Variants in RCN3 observed in about 807,000 individuals in gnomAD.
RCN3 encodes reticulocalbin 3, also known as reticulocalbin-3.
A neutral mutation model predicts 35.9 loss-of-function variants in RCN3; 41 were observed. That is an observed-to-expected ratio of 1.14 (90% CI 0.89 to 1.48). RCN3 has a LOEUF of 1.48. Ranked by LOEUF, RCN3 falls within the 40% of genes most tolerant of loss-of-function variation. RCN3 has a pLI of 0.00. For synonymous variants in RCN3, 187 were observed against 193.4 expected (o/e 0.97, Z 0.27); for missense variants, 451 against 471.3 (o/e 0.96, Z 0.40).
In RCN3 at chr19:49,537,169, C is replaced by T. The variant is rs112559991; in HGVS notation, c.582C>T (p.Pro194=). Residue 194 remains proline, a synonymous_variant, in exon 4 of 7, where the codon CCC becomes CCT. Transcript: ENST00000270645. ...AGGAGCTGACAGCCTTCCTGCACCC[C>T]GAGGAGTTCCCTCACATGCGGGACA... ...TREELTAFLH[P]EEFPHMRDIV... 2.3e-3 allele frequency: 3,687 copies of T among 1,569,176 alleles called. 66 individuals carry two copies. In the African/African-American group the frequency reaches 0.044, roughly 19 times the overall value.
intron 2 of RCN3, 70 bp downstream of exon 2, chr19:49,528,784 G>A: frequency 6.9e-7 from 1 of 1,443,352 alleles, no homozygotes; most frequent in East Asian, 2.7e-5. Flanking sequence ...GGTATCGACA[G>A]GGGTCAGAGA....
intron 2 of RCN3, 117 bp from the exon 3 acceptor site, chr19:49,534,076 G>T: frequency 9.3e-7 from 1 of 1,074,272 alleles, no homozygotes; most frequent in South Asian, 1.8e-5. Flanking sequence ...TTAGCCCGCG[G>T]ACCGTGGACT....
intron 6 of RCN3, 74 bp downstream of exon 6, chr19:49,542,826 C>A: frequency 7.3e-7 from 1 of 1,377,788 alleles, no homozygotes; most frequent in Non-Finnish European, 9.9e-7. Context: ...AGGAGCAAGA[C>A]CTGGGCCTGG....
At chr19:49,540,556 G>A (rs903365229) in intron 5 of RCN3, among the ~76,000 whole-genome samples, 1 of 151,826 alleles carries the variant, frequency 6.6e-6, no homozygotes, top group Non-Finnish European at 1.5e-5. Context: ...GGAGGCAAAG[G>A]TTGCAGTGAG....
Position 49,543,197 on chromosome 19 carries a change from A to G in RCN3, c.971A>G (p.His324Arg), listed in dbSNP as rs773807601. The change falls in exon 7 of 7, where the codon CAC (histidine) becomes CGC (arginine). Residue 324 changes from histidine (H) to arginine (R), a missense_variant. Transcript: ENST00000270645. Reference protein sequence around the residue: ...ATNYGEDLTRHHDEL With the variant: ...ATNYGEDLTRRHDEL The stretch of plus-strand genomic sequence containing the variant: ...AACTATGGCGAGGACCTGACCCGGC[A>G]CCACGATGAGCTGTGAGCACCGCGC... The G allele has an allele frequency of 8.1e-6, 13 of 1,613,124 alleles. No homozygotes were observed. Among genetic ancestry groups the G allele is most frequent in the Non-Finnish European group, 1.1e-5 (13 of 1,179,546 alleles).
At chr19:49,528,864 A>G in intron 2 of RCN3, 150 bp downstream of exon 2, 4 of 1,137,556 alleles carry the variant, frequency 3.5e-6, no homozygotes, top group Non-Finnish European at 4.6e-6. Flanking sequence ...GGAAAAAGAA[A>G]TTAAGTTAAA....
chr19:49,540,343 A>G lies in RCN3; in HGVS notation c.679+1164A>G, dbSNP rs892581760. Among the ~76,000 whole-genome samples, 3 of 151,042 alleles carry G rather than the reference A, an allele frequency of 2.0e-5. No individual in the cohort carries two copies. In the Admixed American group the frequency reaches 2.0e-4, roughly 10 times the overall value. On this transcript the variant is annotated intron_variant, in intron 5 of 6. Coordinates refer to ENST00000270645, the MANE Select transcript of RCN3 (RefSeq NM_020650.3). The stretch of plus-strand genomic sequence containing the variant: ...CATTTTTATATTTTTTTCTTAAGAG[A>G]TGGGGTTGGGCCAGGCGCAGTGGCT...
At chr19:49,539,884 G>C (rs1568712266) in intron 5 of RCN3, among the ~76,000 whole-genome samples, 1 of 151,854 alleles carries the variant, frequency 6.6e-6, no homozygotes, top group Non-Finnish European at 1.5e-5. Flanking sequence ...CACCACGCCT[G>C]GCTAATTTTT....
At chr19:49,531,410 G>A (rs1480459698) in intron 2 of RCN3, among the ~76,000 whole-genome samples, 1 of 152,222 alleles carries the variant, frequency 6.6e-6, no homozygotes, top group Non-Finnish European at 1.5e-5. Context: ...ACCATGCAAA[G>A]GGGGTCAGAT....
intron 2 of RCN3, among the ~76,000 whole-genome samples, chr19:49,533,836 C>T (rs868569939): frequency 3.9e-5 from 6 of 152,280 alleles, no homozygotes; most frequent in Non-Finnish European, 5.9e-5. Context: ...GCCGCGCTCC[C>T]CTTCACCACC....
At chr19:49,532,009 G>A (rs2080110320) in intron 2 of RCN3, among the ~76,000 whole-genome samples, 1 of 150,740 alleles carries the variant, frequency 6.6e-6, no homozygotes, top group Non-Finnish European at 1.5e-5. Context: ...CGCCGTGTTA[G>A]CCAGGATGGT....
At position 49,542,696 on chromosome 19, in the gene RCN3, C is replaced by G; in HGVS notation, c.823C>G (p.Gln275Glu). 1 of 1,597,032 alleles carries G rather than the reference C, an allele frequency of 6.3e-7. No homozygotes were observed. Among genetic ancestry groups the G allele is most frequent in the South Asian group, 1.1e-5 (1 of 87,786 alleles). ...GGGCCACTGGGTGCTGCCCCCTGCC[C>G]AGGACCAGCCCCTGGTGGAAGCCAA... ...EVGHWVLPPA[Q>E]DQPLVEANHL... is the part of the protein sequence containing the mutation. Residue 275 changes from glutamine (Q) to glutamate (E), a missense_variant, in exon 6 of 7, where the codon CAG becomes GAG. Coordinates refer to ENST00000270645, the MANE Select transcript of RCN3 (RefSeq NM_020650.3).
At position 49,534,131 on chromosome 19, in the gene RCN3, G is replaced by A. The variant is rs543607549; in HGVS notation, c.243-62G>A. On this transcript the variant is annotated intron_variant, in intron 2 of 6. Coordinates refer to ENST00000270645, the MANE Select transcript of RCN3 (RefSeq NM_020650.3). The stretch of plus-strand genomic sequence containing the variant: ...CGAAGTGTCCCAGGGGGCGTGGCCC[G>A]TGCGAGGGGCGGGGCCTGGGGGCGG... 2.1e-3 allele frequency: 2,944 copies of A among 1,406,836 alleles called. 7 individuals are homozygous for A. Among genetic ancestry groups the A allele is most frequent in the South Asian group, 3.0e-3 (212 of 70,220 alleles). 87.1% of individuals were successfully genotyped at this position (1,406,836 alleles called of 1,614,324 possible).
chr19:49,528,438 C>G (rs1355719991), intron 1 of RCN3, 29 bp from the exon 2 acceptor site: 8 of 1,467,280 alleles, frequency 5.5e-6, no homozygotes, highest in Non-Finnish European at 4.5e-6. Context: ...CCCTGTGACC[C>G]CTGACCCCTG....
At chr19:49,529,740 TTTTATTTA>T (rs57928834) in intron 2 of RCN3, among the ~76,000 whole-genome samples, 6 of 151,040 alleles carry the variant, frequency 4.0e-5, no homozygotes, top group Admixed American at 2.0e-4. Flanking sequence ...GAGTTGCAAT[TTTTATTTA>T]TTTATTTATT....
intron 2 of RCN3, among the ~76,000 whole-genome samples, chr19:49,532,193 C>A (rs1308555530): frequency 2.7e-5 from 4 of 146,636 alleles, no homozygotes; most frequent in African/African-American, 1.0e-4. Context: ...GCAAGCTGCG[C>A]CTCCCAGGTT....
At chr19:49,539,427 A>G (rs2080152639) in intron 5 of RCN3, among the ~76,000 whole-genome samples, 1 of 152,172 alleles carries the variant, frequency 6.6e-6, no homozygotes, top group Non-Finnish European at 1.5e-5. Context: ...CTTACTGAGC[A>G]CCTACTGCAT....
intron 2 of RCN3, among the ~76,000 whole-genome samples, chr19:49,530,805 A>G (rs954613346): frequency 6.6e-6 from 1 of 152,120 alleles, no homozygotes; most frequent in South Asian, 2.1e-4. Context: ...TGGAGCTGCA[A>G]TTTTAAACAG....
chr19:49,530,010 G>A (rs2080100683), intron 2 of RCN3, among the ~76,000 whole-genome samples: 1 of 152,072 alleles, frequency 6.6e-6, no homozygotes, highest in Admixed American at 6.6e-5. Context: ...GGAGTGCAGT[G>A]ACGTGATCTC....
Sources: allele counts gnomAD v4.1 joint callset (sites outside exome capture counted in the v4.1 genomes callset), GRCh38; gene constraint gnomAD v4.1.1; transcripts MANE v1.5; gene names NCBI Gene and HGNC (gene_info 2026-07-23, HGNC 2026-07-21).